Variants in B4GALNT2 observed in about 807,000 individuals in gnomAD.
The protein encoded by B4GALNT2 is beta-1,4-N-acetyl-galactosaminyltransferase 2 (SID blood group).
B4GALNT2 carries 42 observed loss-of-function variants against 51.1 expected under a neutral mutation model. That is an observed-to-expected ratio of 0.82 (90% CI 0.64 to 1.06). B4GALNT2 has a LOEUF of 1.06. B4GALNT2 is among the 50% of genes least tolerant of loss of function. The pLI, the probability that B4GALNT2 is intolerant of heterozygous loss-of-function variation, is 0.00. For synonymous variants in B4GALNT2, 253 were observed against 251.7 expected (o/e 1.01, Z -0.05); for missense variants, 602 against 633.6 (o/e 0.95, Z 0.54).
At chr17:49,153,529 C>T (rs1284360535) in intron 4 of B4GALNT2, among the ~76,000 whole-genome samples, 5 of 150,660 alleles carry the variant, frequency 3.3e-5, no homozygotes, top group African/African-American at 9.8e-5. Context: ...TTTATTGCGA[C>T]GGAGTCTTGC....
rs1400068469 is a variant in B4GALNT2, at chr17:49,160,586, G to T, written c.711G>T (p.Lys237Asn). The T allele has an allele frequency of 2.5e-6, 4 of 1,614,162 alleles. No homozygotes were observed. The highest frequency in any genetic ancestry group is 3.4e-6 in the Non-Finnish European group (4 of 1,180,022). ...TGGAGTCCAGGTCCTCAGTGGCCAA[G>T]TTTCCAGTGACCATCCGCCATCCTG... ...VSLESRSSVA[K>N]FPVTIRHPVI... The change falls in exon 7 of 11, where the codon AAG (lysine) becomes AAT (asparagine). Residue 237 changes from lysine (K) to asparagine (N), a missense_variant. Transcript: ENST00000393354.
Position 49,169,647 on chromosome 17 carries a change from A to G in B4GALNT2, c.1440A>G (p.Thr480=), listed in dbSNP as rs748715329. ...ELAALEKTYN[T]YRSNTLTRVQ... ...CTGCCCTAGAGAAGACCTACAATAC[A>G]TACCGGTCCAACACCCTCACCCGGG... Residue 480 remains threonine, a synonymous_variant, in exon 11 of 11, where the codon ACA becomes ACG. Coordinates refer to ENST00000393354, the MANE Select transcript of B4GALNT2 (RefSeq NM_001159387.2). The G allele has an allele frequency of 4.3e-6, 7 of 1,612,390 alleles. No homozygotes were observed. The highest frequency in any genetic ancestry group is 2.7e-5 in the African/African-American group (2 of 74,882).
rs1016257039 is a variant in B4GALNT2, at chr17:49,175,584, T to A, written c.*5856T>A. On this transcript the variant is annotated 3_prime_UTR_variant, in exon 11 of 11. Coordinates refer to ENST00000393354, the MANE Select transcript of B4GALNT2 (RefSeq NM_001159387.2). ...CCAAGCATAAGGCTCACAGCTTTTG[T>A]GCAGTATAAATCTACTGTGGCACTA... 1 of 152,256 alleles carries A rather than the reference T, an allele frequency of 6.6e-6. No homozygotes were observed. Among genetic ancestry groups the A allele is most frequent in the Non-Finnish European group, 1.5e-5 (1 of 68,080 alleles). The allele number at this position is 152,256 out of a possible 1,614,324, so 9.4% of individuals were successfully genotyped here.
chr17:49,141,126 T>G (rs766056038), intron 1 of B4GALNT2, 121 bp from the exon 2 acceptor site: 10 of 892,938 alleles, frequency 1.1e-5, no homozygotes, highest in Admixed American at 4.1e-5. Context: ...AGAAATCGAT[T>G]TTAGTGACCA....
chr17:49,168,939 G>A (rs762637480), intron 10 of B4GALNT2, 39 bp downstream of exon 10: 7 of 1,578,176 alleles, frequency 4.4e-6, no homozygotes, highest in Non-Finnish European at 4.3e-6. Context: ...AGCTGGGCTG[G>A]GAATTAGCTG....
chr17:49,153,407 C>G (rs958841911), intron 4 of B4GALNT2, among the ~76,000 whole-genome samples: 1 of 152,074 alleles, frequency 6.6e-6, no homozygotes, highest in Non-Finnish European at 1.5e-5. Flanking sequence ...AAAGTGAGAT[C>G]CTGTCTCAAA....
At chr17:49,134,261 A>G (rs1365292189) in intron 1 of B4GALNT2, among the ~76,000 whole-genome samples, 1 of 152,256 alleles carries the variant, frequency 6.6e-6, no homozygotes, top group Non-Finnish European at 1.5e-5. Context: ...TGAGGTACAT[A>G]GTGATATTTT....
chr17:49,154,028 C>T lies in B4GALNT2; in HGVS notation c.460+1122C>T, dbSNP rs529321196. Reference sequence around the variant, plus strand: ...AAAAGTGCTTTTTTTTTTTTGGGGACGGAGTCTTGCTGTCACCCAGGTTAG... The same window carrying T: ...AAAAGTGCTTTTTTTTTTTTGGGGATGGAGTCTTGCTGTCACCCAGGTTAG... On this transcript the variant is annotated intron_variant, in intron 4 of 10. Transcript: ENST00000393354. 3.1e-4 allele frequency among the ~76,000 whole-genome samples: 44 copies of T among 141,546 alleles called. 1 individual carries two copies. The highest frequency in any genetic ancestry group is 9.4e-4 in the African/African-American group (34 of 36,106). 92.9% of individuals were successfully genotyped at this position (141,546 alleles called of 152,430 possible). A position where few individuals can be genotyped will look rare whatever the true frequency, so the allele number is the denominator to read the frequency against.
At chr17:49,136,340 A>G (rs1247330541) in intron 1 of B4GALNT2, among the ~76,000 whole-genome samples, 2 of 151,792 alleles carry the variant, frequency 1.3e-5, no homozygotes, top group African/African-American at 4.8e-5. Flanking sequence ...CTATAGAAAC[A>G]TGTTCATTTA....
chr17:49,125,917 A>C, the B4GALNT2 span, among the ~76,000 whole-genome samples: 268 of 146,282 alleles, frequency 1.8e-3, 1 homozygote, highest in African/African-American at 6.6e-3. Context: ...ACCGTCTGGG[A>C]GGTGAGGGGT....
intron 1 of B4GALNT2, among the ~76,000 whole-genome samples, chr17:49,138,960 A>G (rs1405946977): frequency 1.3e-5 from 2 of 152,218 alleles, no homozygotes; most frequent in African/African-American, 4.8e-5. Flanking sequence ...TAAATGAGAT[A>G]ATGCACACAA....
chr17:49,129,210 T>TA (rs2042525483), upstream of B4GALNT2, among the ~76,000 whole-genome samples: 1 of 122,580 alleles, frequency 8.2e-6, no homozygotes, highest in Admixed American at 7.9e-5. Context: ...GAGAGAGAGA[T>TA]AGAGAGGAGG....
rs750390315 is a variant in B4GALNT2 at position 49,142,029 on chromosome 17, T to A, written c.216-6T>A. The A allele has an allele frequency of 3.1e-6, 5 of 1,613,858 alleles. No individual in the cohort carries two copies. The highest frequency in any genetic ancestry group is 4.2e-6 in the Non-Finnish European group (5 of 1,180,020). ...TCCATGTTTACAGTCCTCTTGCTTG[T>A]TTCAGGCTGTTCCCGAAAAATCAGT... On this transcript the variant is annotated splice_region_variant and splice_polypyrimidine_tract_variant and intron_variant, in intron 2 of 10. Transcript: ENST00000393354.
At chr17:49,150,604 T>C (rs1393973635) in intron 3 of B4GALNT2, among the ~76,000 whole-genome samples, 1 of 151,720 alleles carries the variant, frequency 6.6e-6, no homozygotes, top group African/African-American at 2.4e-5. Context: ...CTTGGGATCC[T>C]GTTGATCTGT....
chr17:49,154,008 T>C (rs2042784094), intron 4 of B4GALNT2, among the ~76,000 whole-genome samples: 1 of 149,696 alleles, frequency 6.7e-6, no homozygotes, highest in African/African-American at 2.5e-5. Context: ...CTGTAAAAAG[T>C]GCTTTTTTTT....
chr17:49,169,966 C>A lies in B4GALNT2; in HGVS notation c.*238C>A. 2.5e-6 allele frequency: 1 copy of A among 395,282 alleles called. No individual in the cohort carries two copies. The highest frequency in any genetic ancestry group is 4.5e-6 in the Non-Finnish European group (1 of 223,530). 24.5% of individuals were successfully genotyped at this position (395,282 alleles called of 1,614,324 possible). A position where few individuals can be genotyped will look rare whatever the true frequency, so the allele number is the denominator to read the frequency against. Reference sequence around the variant, plus strand: ...TAGCAATGATGATTTGTACAATGCCCTGCCTTTTTTGAAGCATTTGCATGG... The same window carrying A: ...TAGCAATGATGATTTGTACAATGCCATGCCTTTTTTGAAGCATTTGCATGG... On this transcript the variant is annotated 3_prime_UTR_variant, in exon 11 of 11. Coordinates refer to ENST00000393354, the MANE Select transcript of B4GALNT2 (RefSeq NM_001159387.2).
chr17:49,143,476 A>G (rs1216202222), intron 3 of B4GALNT2, among the ~76,000 whole-genome samples: 2 of 152,182 alleles, frequency 1.3e-5, no homozygotes, highest in Admixed American at 1.3e-4. Context: ...CTCCAGGGCC[A>G]TCTGGTCCCC....
At position 49,132,915 on chromosome 17, in the gene B4GALNT2, G is replaced by T; in HGVS notation, c.14+109G>T. On this transcript the variant is annotated intron_variant, in intron 1 of 10. Transcript: ENST00000393354. ...GCGGGCAGGTGCTGGGGACGCAGAC[G>T]CCGGAGCCAGGGAGCGGGCGGTTGG... The T allele has an allele frequency of 2.9e-6, 4 of 1,377,132 alleles. No individual in the cohort carries two copies. The South Asian group carries it at 5.5e-5, about 19-fold the overall frequency. 85.3% of individuals were successfully genotyped at this position (1,377,132 alleles called of 1,614,324 possible). A position where few individuals can be genotyped will look rare whatever the true frequency, so the allele number is the denominator to read the frequency against.
In B4GALNT2 at chr17:49,135,434, A is replaced by G. The variant is rs113581727; in HGVS notation, c.14+2628A>G. Among the ~76,000 whole-genome samples, 107 of 150,958 alleles carry G rather than the reference A, an allele frequency of 7.1e-4. 2 individuals carry two copies. Among genetic ancestry groups the G allele is most frequent in the African/African-American group, 2.5e-3 (102 of 41,044 alleles). On this transcript the variant is annotated intron_variant, in intron 1 of 10. Coordinates refer to ENST00000393354, the MANE Select transcript of B4GALNT2 (RefSeq NM_001159387.2). ...CCTGCCTCTACAGGTGCGTGCCACC[A>G]TGCCCGCCTAAGATGGAGTTTCACC...
Sources: gnomAD v4.1 joint callset for allele counts (sites outside exome capture counted in the v4.1 genomes callset) on GRCh38, gnomAD v4.1.1 for gene constraint, MANE v1.5 for transcripts, NCBI Gene and HGNC (gene_info 2026-07-23, HGNC 2026-07-21) for gene names.